The following SIPA1L2 variants were observed in gnomAD, a reference collection of about 807,000 sequenced individuals.
The protein encoded by SIPA1L2 is signal-induced proliferation-associated 1-like protein 2.
A neutral mutation model predicts 163.9 loss-of-function variants in SIPA1L2; 56 were observed. That is an observed-to-expected ratio of 0.34 (90% CI 0.28 to 0.43). The LOEUF (loss-of-function observed/expected upper bound fraction) is 0.43. Among genes scored for constraint, SIPA1L2 ranks in the 20% least tolerant of loss-of-function variants. SIPA1L2 has a pLI of 1.00. For missense variants in SIPA1L2, 1,974 were observed against 2,193.5 expected, an observed-to-expected ratio of 0.90 and a Z score of 2.00; for synonymous variants, 877 against 865.7, an observed-to-expected ratio of 1.01 and a Z score of -0.23.
At chr1:232,610,981 T>A (rs938919657) in intron 1 of SIPA1L2, among the ~76,000 whole-genome samples, 67 of 152,160 alleles carry the variant, frequency 4.4e-4, no homozygotes, top group African/African-American at 1.4e-3. Context: ...AATCTCCTCT[T>A]GAATTGTACT....
intron 1 of SIPA1L2, among the ~76,000 whole-genome samples, chr1:232,622,657 T>C (rs1662876474): frequency 6.6e-6 from 1 of 152,196 alleles, no homozygotes; most frequent in Non-Finnish European, 1.5e-5. Flanking sequence ...CACACCCCTC[T>C]GAATGGGGCT....
At chr1:232,474,368 G>C (rs1664934430) in intron 7 of SIPA1L2, among the ~76,000 whole-genome samples, 1 of 152,164 alleles carries the variant, frequency 6.6e-6, no homozygotes, top group Non-Finnish European at 1.5e-5. Context: ...TTATGACAAG[G>C]AAAGAGAAAA....
intron 2 of SIPA1L2, among the ~76,000 whole-genome samples, chr1:232,528,103 A>ATATATATATCG (rs1558246735): frequency 9.7e-5 from 5 of 51,712 alleles, no homozygotes; most frequent in African/African-American, 3.9e-4. Context: ...TATATATATA[A>ATATATATATCG]TCAACTTTCT....
intron 2 of SIPA1L2, among the ~76,000 whole-genome samples, chr1:232,542,862 C>T (rs1044471356): frequency 8.5e-5 from 13 of 152,208 alleles, no homozygotes; most frequent in African/African-American, 3.1e-4. Context: ...ATATACTCCT[C>T]TCTGTGTGTC....
chr1:232,537,943 A>G (rs1657413285), intron 2 of SIPA1L2, among the ~76,000 whole-genome samples: 1 of 152,214 alleles, frequency 6.6e-6, no homozygotes, highest in Non-Finnish European at 1.5e-5. Flanking sequence ...TCATTCACTG[A>G]TTACAGACTT....
In SIPA1L2 at chr1:232,449,517, C is replaced by CA. The variant is rs33934850; in HGVS notation, c.3096-3732dup. 7.6e-3 allele frequency among the ~76,000 whole-genome samples: 607 copies of CA among 79,528 alleles called. 9 individuals are homozygous for CA. The highest frequency in any genetic ancestry group is 0.059 in the South Asian group (153 of 2,602). The allele number at this position is 79,528 out of a possible 152,430, so 52.2% of individuals were successfully genotyped here. A position where few individuals can be genotyped will look rare whatever the true frequency, so the allele number is the denominator to read the frequency against. Reference sequence around the variant, plus strand: ...TAGGCAAAATAGCGAGACTCCGTCTCAAAAAAAAAAAAAAAAAAAATTAAG... The same window carrying CA: ...TAGGCAAAATAGCGAGACTCCGTCTCAAAAAAAAAAAAAAAAAAAAATTAAG... On this transcript the variant is annotated intron_variant, in intron 10 of 22. Transcript: ENST00000674635.
intron 19 of SIPA1L2, among the ~76,000 whole-genome samples, chr1:232,404,930 G>C (rs932273361): frequency 3.3e-5 from 5 of 152,154 alleles, no homozygotes; most frequent in South Asian, 4.1e-4. Flanking sequence ...TGTTAGTGCT[G>C]TGGCAGTCCT....
rs757013077 is a variant in SIPA1L2 at position 232,613,962 on chromosome 1, G to C, written c.-319+15907C>G. ...ACAGAACACTTAGCAGGAGGGCATT[G>C]TGCAGAAACCACTTATCTGAGGATT... On this transcript the variant is annotated intron_variant, in intron 1 of 22. Coordinates refer to ENST00000674635, the MANE Select transcript of SIPA1L2 (RefSeq NM_020808.5). Among the ~76,000 whole-genome samples the C allele has an allele frequency of 1.7e-4, 26 of 152,280 alleles. No homozygotes were observed. The Middle Eastern group carries it at 0.024, about 139-fold the overall frequency.
chr1:232,483,485 A>C (rs1420224205), intron 6 of SIPA1L2, among the ~76,000 whole-genome samples: 2 of 152,238 alleles, frequency 1.3e-5, no homozygotes, highest in Non-Finnish European at 2.9e-5. Flanking sequence ...AGGGTGTAAT[A>C]GAAGAGGTTA....
At chr1:232,460,796 T>C in intron 10 of SIPA1L2, 91 bp downstream of exon 10, 2 of 1,474,094 alleles carry the variant, frequency 1.4e-6, no homozygotes, top group Non-Finnish European at 1.8e-6. Context: ...CTTGACTGCA[T>C]TTTCTGAGGA....
In SIPA1L2 at chr1:232,555,020, T is replaced by TTACAATAACAAATAAACAAGA. The variant is rs1476934848; in HGVS notation, c.-270+19153_-270+19154insTCTTGTTTATTTGTTATTGTA. ...AAACAAGAAATTGAGTTTACAAACTTATGGACATTAATTATTCAATTTTGG... is the reference window on the plus strand; with the variant it reads ...AAACAAGAAATTGAGTTTACAAACTTTACAATAACAAATAAACAAGAATGGACATTAATTATTCAATTTTGG... On this transcript the variant is annotated intron_variant, in intron 2 of 22. Coordinates refer to ENST00000674635, the MANE Select transcript of SIPA1L2 (RefSeq NM_020808.5). Among the ~76,000 whole-genome samples, 9 of 152,318 alleles carry TTACAATAACAAATAAACAAGA rather than the reference T, an allele frequency of 5.9e-5. No individual in the cohort carries two copies. The East Asian group carries it at 1.7e-3, about 29-fold the overall frequency.
chr1:232,552,962 G>A (rs1408556231), intron 2 of SIPA1L2, among the ~76,000 whole-genome samples: 2 of 152,140 alleles, frequency 1.3e-5, no homozygotes, highest in East Asian at 1.9e-4. Context: ...GGGTGCCTGC[G>A]ACTCCCAAAG....
intron 18 of SIPA1L2, among the ~76,000 whole-genome samples, chr1:232,416,149 A>G (rs553670973): frequency 1.3e-5 from 2 of 151,990 alleles, no homozygotes; most frequent in East Asian, 1.9e-4. Context: ...AGAGTCAGTC[A>G]GGAGTCAGTC....
chr1:232,515,193 A>G lies in SIPA1L2; in HGVS notation c.147T>C (p.Thr49=), dbSNP rs1284866294. Residue 49 remains threonine (T), a synonymous_variant, in exon 3 of 23, where the codon ACT becomes ACC. Transcript: ENST00000674635. The part of the protein sequence containing the change: ...KAINGNMGPT[T]SLNASNSNET... ...CATTGGAATTCGAGGCATTTAAAGA[A>G]GTAGTGGGTCCCATGTTGCCATTAA... is the stretch of plus-strand genomic sequence containing the variant. The G allele has an allele frequency of 6.2e-7, 1 of 1,614,208 alleles. No homozygotes were observed. The highest frequency in any genetic ancestry group is 1.7e-5 in the Admixed American group (1 of 60,016).
At chr1:232,602,881 T>C (rs1661678950) in intron 1 of SIPA1L2, among the ~76,000 whole-genome samples, 1 of 152,236 alleles carries the variant, frequency 6.6e-6, no homozygotes, top group South Asian at 2.1e-4. Flanking sequence ...ACTGAATTTT[T>C]ATTTTTATTT....
At chr1:232,553,081 G>A (rs1658491809) in intron 2 of SIPA1L2, among the ~76,000 whole-genome samples, 1 of 152,198 alleles carries the variant, frequency 6.6e-6, no homozygotes. Flanking sequence ...GAAGCATCAG[G>A]TCACACACAG....
chr1:232,476,898 C>A (rs935404416), intron 7 of SIPA1L2, among the ~76,000 whole-genome samples: 1 of 152,198 alleles, frequency 6.6e-6, no homozygotes, highest in Non-Finnish European at 1.5e-5. Flanking sequence ...GCCAAGGTTA[C>A]AGGCACAATT....
chr1:232,444,709 G>A (rs905048247), intron 11 of SIPA1L2, among the ~76,000 whole-genome samples: 7 of 152,148 alleles, frequency 4.6e-5, no homozygotes, highest in African/African-American at 1.7e-4. Context: ...TCCTGATGTG[G>A]TTTGTCAGAT....
Position 232,515,046 on chromosome 1 carries a change from C to T in SIPA1L2, c.294G>A (p.Leu98=). ...DCSKELTCKA[L]WESRSQTSYE... ...AACTGGTCTGAGACCGGCTTTCCCA[C>T]AGTGCCTTGCATGTTAGCTCCTTGG... The change falls in exon 3 of 23, where the codon CTG becomes CTA. Residue 98 remains leucine, a synonymous_variant. Transcript: ENST00000674635. The T allele has an allele frequency of 4.3e-6, 7 of 1,614,200 alleles. No homozygotes were observed. In the South Asian group the frequency reaches 7.7e-5, roughly 18 times the overall value.
Sources: gnomAD v4.1 joint callset for allele counts (sites outside exome capture counted in the v4.1 genomes callset) on GRCh38, gnomAD v4.1.1 for gene constraint, MANE v1.5 for transcripts, NCBI Gene and HGNC (gene_info 2026-07-23, HGNC 2026-07-21) for gene names.